The following GPM6A variants were observed in gnomAD, a reference collection of about 807,000 sequenced individuals.
GPM6A encodes glycoprotein M6A.
Under a neutral mutation model 32.1 loss-of-function variants are expected in GPM6A, and 7 were observed. The observed-to-expected ratio is 0.22, with a 90% confidence interval of 0.12 to 0.41. The LOEUF is 0.41. Among genes scored for constraint, GPM6A ranks in the 10% least tolerant of loss-of-function variants. The pLI, the probability that GPM6A is intolerant of heterozygous loss-of-function variation, is 1.00. For synonymous variants in GPM6A, 130 were observed against 123.4 expected (o/e 1.05, Z -0.35); for missense variants, 235 against 347.2 (o/e 0.68, Z 2.57).
chr4:175,828,222 G>C (rs1020753541), intron 1 of GPM6A, among the ~76,000 whole-genome samples: 104 of 152,126 alleles, frequency 6.8e-4, no homozygotes, highest in African/African-American at 2.2e-3. Context: ...TTATCACCAA[G>C]TAGAATTGTC....
At chr4:175,736,586 AAAT>A in intron 1 of GPM6A, among the ~76,000 whole-genome samples, 1 of 152,238 alleles carries the variant, frequency 6.6e-6, no homozygotes, top group Non-Finnish European at 1.5e-5. Context: ...AAACAGAAAT[AAAT>A]AATATCTCAA....
At chr4:175,767,288 C>T in intron 1 of GPM6A, among the ~76,000 whole-genome samples, 1 of 152,138 alleles carries the variant, frequency 6.6e-6, no homozygotes, top group East Asian at 1.9e-4. Context: ...TCAAAATCTG[C>T]CCCATTTTTG....
chr4:175,970,493 T>G lies in GPM6A; in HGVS notation c.-23+31816A>C, dbSNP rs1282413233. On this transcript the variant is annotated intron_variant, in intron 1 of 7. Coordinates refer to the GPM6A transcript ENST00000280187. Reference sequence around the variant, plus strand: ...TGTGTGTGTGTTATAACATATGTATTTACTGACAAACGTTTATAAAATAGA... The same window carrying G: ...TGTGTGTGTGTTATAACATATGTATGTACTGACAAACGTTTATAAAATAGA... 2.6e-5 allele frequency among the ~76,000 whole-genome samples: 4 copies of G among 152,214 alleles called. No homozygotes were observed. The South Asian group carries it at 6.2e-4, about 24-fold the overall frequency.
intron 2 of GPM6A, among the ~76,000 whole-genome samples, chr4:175,676,961 C>A (rs374317083): frequency 1.5e-4 from 23 of 152,222 alleles, no homozygotes; most frequent in African/African-American, 5.5e-4. Context: ...TAAAACTGGT[C>A]ACATATATAT....
chr4:175,701,530 T>C (rs759166792), intron 2 of GPM6A, 45 bp downstream of exon 2: 1 of 1,406,770 alleles, frequency 7.1e-7, no homozygotes, highest in East Asian at 2.3e-5. Context: ...CATAGAAGTG[T>C]AAATATATAC....
intron 1 of GPM6A, among the ~76,000 whole-genome samples, chr4:175,826,885 C>T (rs1316807924): frequency 6.6e-6 from 1 of 152,024 alleles, no homozygotes. Context: ...TCGGTTTACT[C>T]CACTCTGTGT....
intron 4 of GPM6A, among the ~76,000 whole-genome samples, chr4:175,644,155 G>C (rs1461442929): frequency 8.5e-6 from 1 of 118,242 alleles, no homozygotes; most frequent in African/African-American, 3.3e-5. Flanking sequence ...ATGGAGTCTC[G>C]CTCTTTTGCC....
intron 1 of GPM6A, among the ~76,000 whole-genome samples, chr4:175,908,704 A>T (rs1738207887): frequency 6.6e-6 from 1 of 152,160 alleles, no homozygotes; most frequent in Non-Finnish European, 1.5e-5. Context: ...AAGGAAGGAT[A>T]TTTCAACAAA....
intron 1 of GPM6A, among the ~76,000 whole-genome samples, chr4:175,978,422 G>A (rs182085580): frequency 1.5e-4 from 23 of 152,204 alleles, no homozygotes; most frequent in African/African-American, 4.8e-4. Flanking sequence ...TGAGATTTGG[G>A]TGGGGACACA....
intron 1 of GPM6A, among the ~76,000 whole-genome samples, chr4:175,726,139 C>T (rs943856722): frequency 2.0e-5 from 3 of 147,018 alleles, no homozygotes; most frequent in Admixed American, 7.0e-5. Flanking sequence ...ACTACAGGTG[C>T]CCACCACCAC....
At chr4:175,898,051 G>A (rs1334902114) in intron 1 of GPM6A, among the ~76,000 whole-genome samples, 2 of 152,158 alleles carry the variant, frequency 1.3e-5, no homozygotes, top group Non-Finnish European at 2.9e-5. Context: ...TACCATGGTA[G>A]TTTGGTATTA....
At chr4:175,819,393 T>C (rs1455825844) in intron 1 of GPM6A, among the ~76,000 whole-genome samples, 1 of 152,230 alleles carries the variant, frequency 6.6e-6, no homozygotes, top group Non-Finnish European at 1.5e-5. Flanking sequence ...TGTAGTTTCC[T>C]GCTCTAACAG....
At chr4:175,642,171 C>A (rs902747970) in intron 4 of GPM6A, 1 of 152,104 alleles carries the variant, frequency 6.6e-6, no homozygotes, top group African/African-American at 2.4e-5. Context: ...CTCTCTACAG[C>A]CTTTCCTTTC....
intron 1 of GPM6A, among the ~76,000 whole-genome samples, chr4:175,705,009 G>A (rs1419030574): frequency 6.6e-6 from 1 of 152,108 alleles, no homozygotes; most frequent in African/African-American, 2.4e-5. Flanking sequence ...TTCAGGGTCG[G>A]TTTCACTTAT....
At chr4:175,655,235 A>C (rs886282580) in intron 3 of GPM6A, among the ~76,000 whole-genome samples, 2 of 152,078 alleles carry the variant, frequency 1.3e-5, no homozygotes, top group Non-Finnish European at 2.9e-5. Flanking sequence ...AAAATGCAAA[A>C]GTCTTTATTT....
At chr4:175,643,483 C>T (rs914613217) in intron 4 of GPM6A, among the ~76,000 whole-genome samples, 5 of 152,072 alleles carry the variant, frequency 3.3e-5, no homozygotes, top group Non-Finnish European at 4.4e-5. Context: ...AACTTAGCAC[C>T]GGCTCTTCTC....
chr4:175,900,976 A>G (rs1737946279), intron 1 of GPM6A, among the ~76,000 whole-genome samples: 1 of 152,214 alleles, frequency 6.6e-6, no homozygotes, highest in East Asian at 1.9e-4. Context: ...TTGCAACAGC[A>G]TGGATAGAGC....
chr4:175,830,414 A>AT (rs1432460999), intron 1 of GPM6A, among the ~76,000 whole-genome samples: 2 of 152,214 alleles, frequency 1.3e-5, no homozygotes, highest in African/African-American at 4.8e-5. Context: ...TAAAATAATG[A>AT]TGATGTAATA....
At chr4:175,939,283 G>T (rs1355739657) in intron 1 of GPM6A, among the ~76,000 whole-genome samples, 3 of 152,150 alleles carry the variant, frequency 2.0e-5, no homozygotes, top group Non-Finnish European at 4.4e-5. Context: ...TAAAACAATA[G>T]GCAAGCTCGT....
Sources: allele counts gnomAD v4.1 joint callset (sites outside exome capture counted in the v4.1 genomes callset), GRCh38; gene constraint gnomAD v4.1.1; transcripts MANE v1.5; gene names NCBI Gene and HGNC (gene_info 2026-07-23, HGNC 2026-07-21).